AKT2: variants seen among roughly 807,000 people sequenced by gnomAD.
AKT2 encodes the protein AKT serine/threonine kinase 2.
A neutral mutation model predicts 58.6 loss-of-function variants in AKT2; 16 were observed. That is an observed-to-expected ratio of 0.27 (90% confidence interval 0.18 to 0.41). The LOEUF (loss-of-function observed/expected upper bound fraction) is 0.41. Among genes scored for constraint, AKT2 ranks in the 10% least tolerant of loss-of-function variants. AKT2 has a pLI of 1.00. For missense variants in AKT2, 438 were observed against 661.0 expected (o/e 0.66, Z 3.70); for synonymous variants, 253 against 254.0 (o/e 1.00, Z 0.04).
chr19:40,235,859 T>G lies in AKT2; in HGVS notation c.1175+31A>C, dbSNP rs1396704321. ...CAGGGACAGTGGCAGCAGCTGGCGC[T>G]GGGCTGGGTGGGGCCGACGCCAGCC... On this transcript the variant is annotated intron_variant, in intron 11 of 13. Coordinates refer to ENST00000392038, the MANE Select transcript of AKT2 (RefSeq NM_001626.6). This position sits in a 1 kb window ranked among gnomAD's most constrained non-coding sequence, Gnocchi z 6.3. The G allele has an allele frequency of 6.3e-7, 1 of 1,587,242 alleles. No individual in the cohort carries two copies. Among genetic ancestry groups the G allele is most frequent in the Non-Finnish European group, 8.6e-7 (1 of 1,169,540 alleles).
Position 40,236,033 on chromosome 19 carries a change from C to T in AKT2, c.1032G>A (p.Met344Ile), listed in dbSNP as rs372625056. The T allele has an allele frequency of 8.7e-6, 14 of 1,614,020 alleles. No homozygotes were observed. Among genetic ancestry groups the T allele is most frequent in the East Asian group, 2.2e-5 (1 of 44,878 alleles). ...GGTTGTAGAAGGGCAGGCGGCCGCA[C>T]ATCATCTCGTACATGACCACACCCA... ...WGLGVVMYEM[M>I]CGRLPFYNQD... Residue 344 changes from methionine (M) to isoleucine (I), a missense_variant, in exon 11 of 14, where the codon ATG becomes ATA. Met to Ile is a conservative substitution (Grantham distance 10, BLOSUM62 1). This residue lies in a region of AKT2 where 148 missense variants were observed against 199.5 expected (regional missense o/e 0.74). Coordinates refer to ENST00000392038, the MANE Select transcript of AKT2 (RefSeq NM_001626.6).
chr19:40,274,751 G>A (rs925985329), intron 1 of AKT2: 11 of 310,734 alleles, frequency 3.5e-5, no homozygotes, highest in African/African-American at 1.3e-4. Flanking sequence ...CGTTCGAGGC[G>A]CCTACAGGAG....
At chr19:40,262,681 C>T (rs757466453) in intron 2 of AKT2, among the ~76,000 whole-genome samples, 9 of 152,220 alleles carry the variant, frequency 5.9e-5, no homozygotes, top group Non-Finnish European at 1.2e-4. Context: ...CCACTCCTTG[C>T]TGAAACCTCA....
intron 4 of AKT2, among the ~76,000 whole-genome samples, chr19:40,244,674 G>A (rs111691984): frequency 3.9e-5 from 6 of 152,214 alleles, no homozygotes; most frequent in African/African-American, 7.2e-5. Flanking sequence ...AGAAAATTCA[G>A]AGAGTGTAAT....
At chr19:40,268,161 A>G (rs373001694) in intron 1 of AKT2, among the ~76,000 whole-genome samples, 1 of 152,108 alleles carries the variant, frequency 6.6e-6, no homozygotes, top group Non-Finnish European at 1.5e-5. Context: ...ATACTTCCCA[A>G]ATGGCTGGGA....
intron 1 of AKT2, 142 bp downstream of exon 1, chr19:40,285,039 C>G (rs1424214857): frequency 5.2e-6 from 2 of 384,510 alleles, no homozygotes; most frequent in Non-Finnish European, 9.2e-6. Flanking sequence ...CTCGGCCACC[C>G]CCACTCAGCT....
At chr19:40,241,696 C>T (rs1974416402) in intron 6 of AKT2, 2 of 570,944 alleles carry the variant, frequency 3.5e-6, no homozygotes, top group Admixed American at 3.1e-5. Context: ...TGGGTGGGGC[C>T]CCGAGGCTCT....
In AKT2 at chr19:40,232,424, T is replaced by A. The variant is rs149821698; in HGVS notation, c.*1448A>T. ...GACGGAGAACTGTCAGATAACAACATCGCACACAGAGGAAAAAGACCCTCA... is the reference window on the plus strand; with the variant it reads ...GACGGAGAACTGTCAGATAACAACAACGCACACAGAGGAAAAAGACCCTCA... On this transcript the variant is annotated 3_prime_UTR_variant, in exon 14 of 14. Coordinates refer to ENST00000392038, the MANE Select transcript of AKT2 (RefSeq NM_001626.6). The A allele has an allele frequency of 8.8e-3, 2,056 of 233,220 alleles. 48 individuals carry two copies. The highest frequency in any genetic ancestry group is 0.042 in the African/African-American group (1,882 of 45,080). The allele number at this position is 233,220 out of a possible 1,614,324, so 14.4% of individuals were successfully genotyped here.
In AKT2 at chr19:40,234,691, C is replaced by T; in HGVS notation, c.1366+354G>A. On this transcript the variant is annotated intron_variant, in intron 13 of 13. Transcript: ENST00000392038. This position sits in a 1 kb window ranked among gnomAD's most constrained non-coding sequence, Gnocchi z 4.7. ...GCTGGGAGCTTTCCAGGGCAGGGCC[C>T]AGGGCTGGCTCAATCAGTGCTGTGT... 1.7e-6 allele frequency: 1 copy of T among 586,178 alleles called. No homozygotes were observed. The highest frequency in any genetic ancestry group is 3.0e-6 in the Non-Finnish European group (1 of 331,012). The allele number at this position is 586,178 out of a possible 1,614,324, so 36.3% of individuals were successfully genotyped here. A position where few individuals can be genotyped will look rare whatever the true frequency, so the allele number is the denominator to read the frequency against.
At position 40,242,649 on chromosome 19, in the gene AKT2, C is replaced by T. The variant is rs1231123715; in HGVS notation, c.326G>A (p.Ser109Asn). 1 of 1,612,918 alleles carries T rather than the reference C, an allele frequency of 6.2e-7. No individual in the cohort carries two copies. Residue 109 changes from serine to asparagine, a missense_variant, in exon 5 of 14, where the codon AGC (serine) becomes AAC (asparagine). This residue lies in a region of AKT2 where 244 missense variants were observed against 347.1 expected (regional missense o/e 0.70). Transcript: ENST00000392038. This position sits in a 1 kb window ranked among gnomAD's most constrained non-coding sequence, Gnocchi z 4.3. Reference protein sequence around the residue: ...WMRAIQMVANSLKQRAPGEDP... With the variant: ...WMRAIQMVANNLKQRAPGEDP... The stretch of plus-strand genomic sequence containing the variant: ...CTCGCCTGGGGCCCGCTGCTTGAGG[C>T]TGTTGGCGACCATCTGGATGGCCCG...
At position 40,230,724 on chromosome 19, in the gene AKT2, T is replaced by A. The variant is rs1300338029; in HGVS notation, c.*3148A>T. 24 of 206,918 alleles carry A rather than the reference T, an allele frequency of 1.2e-4. No homozygotes were observed. The highest frequency in any genetic ancestry group is 2.0e-4 in the Non-Finnish European group (20 of 101,422). 12.8% of individuals were successfully genotyped at this position (206,918 alleles called of 1,614,324 possible). ...TTAATAGCATGTATCATGTTTTTTT[T>A]TTTTTTATTTTTAGAGACACAGTCT... On this transcript the variant is annotated 3_prime_UTR_variant, in exon 14 of 14. Transcript: ENST00000392038.
chr19:40,246,378 T>C (rs1974753730), intron 4 of AKT2, among the ~76,000 whole-genome samples: 1 of 152,124 alleles, frequency 6.6e-6, no homozygotes, highest in African/African-American at 2.4e-5. Context: ...CCTGCCTCGG[T>C]CTCCCCAAGT....
chr19:40,243,077 G>A (rs1405380981), intron 4 of AKT2: 1 of 303,422 alleles, frequency 3.3e-6, no homozygotes, highest in African/African-American at 2.2e-5. Flanking sequence ...GGGAGGCGGA[G>A]GGTGCAGTGA....
intron 1 of AKT2, chr19:40,280,942 A>G (rs1350005383): frequency 6.6e-6 from 1 of 152,304 alleles, no homozygotes; most frequent in African/African-American, 2.4e-5. Flanking sequence ...TTAGCCCCAC[A>G]AGGATAGGGA....
intron 2 of AKT2, among the ~76,000 whole-genome samples, chr19:40,259,108 T>G (rs1377970038): frequency 6.6e-6 from 1 of 152,140 alleles, no homozygotes; most frequent in African/African-American, 2.4e-5. Flanking sequence ...AATATCTACA[T>G]TCAACTGATT....
chr19:40,265,438 G>A, intron 1 of AKT2, 87 bp from the exon 2 acceptor site: 1 of 1,497,324 alleles, frequency 6.7e-7, no homozygotes, highest in Admixed American at 2.0e-5. Flanking sequence ...GAGGCCCTCT[G>A]GCTGTTCTGC....
Position 40,242,286 on chromosome 19 carries a change from G to A in AKT2, c.442-217C>T. 1.2e-6 allele frequency: 1 copy of A among 863,592 alleles called. No individual in the cohort carries two copies. Among genetic ancestry groups the A allele is most frequent in the Non-Finnish European group, 1.8e-6 (1 of 554,056 alleles). 53.5% of individuals were successfully genotyped at this position (863,592 alleles called of 1,614,324 possible). On this transcript the variant is annotated intron_variant, in intron 5 of 13. Coordinates refer to ENST00000392038, the MANE Select transcript of AKT2 (RefSeq NM_001626.6). The surrounding 1 kb of genome is among the most constrained non-coding windows in gnomAD (Gnocchi z 4.3). ...CCTTGGGAGGGCTGGGCTCTGACGT[G>A]GGGGTAGCCAGGTCTTCACCAACTC...
At chr19:40,278,476 G>C (rs936140209) in intron 1 of AKT2, among the ~76,000 whole-genome samples, 1 of 152,142 alleles carries the variant, frequency 6.6e-6, no homozygotes, top group Admixed American at 6.5e-5. Flanking sequence ...TACGAGATGG[G>C]AGTGCTAACA....
intron 1 of AKT2, chr19:40,284,918 G>A (rs1482368454): frequency 1.0e-5 from 3 of 296,344 alleles, no homozygotes; most frequent in African/African-American, 2.2e-5. Flanking sequence ...GCCCGCGCAC[G>A]CTGCGGCCTG....
Sources: gnomAD v4.1 joint callset for allele counts (sites outside exome capture counted in the v4.1 genomes callset) on GRCh38, gnomAD v4.1.1 for gene constraint, gnomAD v4.1.1 regional missense constraint, Gnocchi (gnomAD v3.1) non-coding constraint, MANE v1.5 for transcripts, NCBI Gene and HGNC (gene_info 2026-07-23, HGNC 2026-07-21) for gene names.